TC2N: variants seen among roughly 807,000 people sequenced by gnomAD.
The protein encoded by TC2N is tandem C2 domains nuclear protein.
Under a neutral mutation model 61.9 loss-of-function variants are expected in TC2N, and 51 were observed. That is an observed-to-expected ratio of 0.82 (90% CI 0.66 to 1.04). TC2N has a LOEUF of 1.04. TC2N is among the 50% of genes least tolerant of loss of function. TC2N has a pLI of 0.00. For synonymous variants in TC2N, 204 were observed against 192.6 expected, an observed-to-expected ratio of 1.06 and a Z score of -0.49; for missense variants, 556 against 566.7, an observed-to-expected ratio of 0.98 and a Z score of 0.19.
At chr14:91,859,704 A>C (rs1448481899) in intron 1 of TC2N, among the ~76,000 whole-genome samples, 1 of 152,242 alleles carries the variant, frequency 6.6e-6, no homozygotes, top group African/African-American at 2.4e-5. Flanking sequence ...GGTGGGCTGC[A>C]CAGACCACAG....
At chr14:91,827,599 T>A (rs965928304) in intron 1 of TC2N, among the ~76,000 whole-genome samples, 1 of 152,200 alleles carries the variant, frequency 6.6e-6, no homozygotes, top group Non-Finnish European at 1.5e-5. Context: ...TACTCCATAA[T>A]CCAAGATAAT....
At chr14:91,830,948 T>C (rs905247103) in intron 1 of TC2N, among the ~76,000 whole-genome samples, 2 of 152,164 alleles carry the variant, frequency 1.3e-5, no homozygotes, top group African/African-American at 4.8e-5. Flanking sequence ...GTCCCAGAAT[T>C]AGCCTCTTAG....
intron 1 of TC2N, among the ~76,000 whole-genome samples, chr14:91,859,362 C>T (rs1348870100): frequency 6.6e-6 from 1 of 152,184 alleles, no homozygotes; most frequent in Non-Finnish European, 1.5e-5. Context: ...CAAAACTCCT[C>T]CTCCTGAGGT....
chr14:91,791,265 C>A (rs1885643788), intron 9 of TC2N, among the ~76,000 whole-genome samples: 1 of 150,860 alleles, frequency 6.6e-6, no homozygotes, highest in African/African-American at 2.4e-5. Flanking sequence ...CCCATATCCC[C>A]CAAAATTCTA....
chr14:91,806,111 GC>G (rs58265477), intron 3 of TC2N, among the ~76,000 whole-genome samples: 10,155 of 152,036 alleles, frequency 0.067, 1,015 homozygotes, highest in African/African-American at 0.22. Context: ...ATTCTCTCTT[GC>G]CTGCTACCAT....
intron 1 of TC2N, chr14:91,836,614 G>A (rs1888027121): frequency 6.6e-6 from 1 of 152,568 alleles, no homozygotes; most frequent in Non-Finnish European, 1.5e-5. Flanking sequence ...GCAAGGCGGG[G>A]AGGGGCGAGG....
chr14:91,835,145 T>G (rs555833983), intron 1 of TC2N, among the ~76,000 whole-genome samples: 2 of 152,346 alleles, frequency 1.3e-5, no homozygotes, highest in South Asian at 4.1e-4. Flanking sequence ...TACTTAAATT[T>G]TTCATGAAGG....
intron 1 of TC2N, among the ~76,000 whole-genome samples, chr14:91,819,156 A>G (rs1887134953): frequency 6.6e-6 from 1 of 152,096 alleles, no homozygotes; most frequent in Non-Finnish European, 1.5e-5. Flanking sequence ...ATGTACATCA[A>G]AGCAAAGATT....
Position 91,812,433 on chromosome 14 carries a change from A to G in TC2N, c.180T>C (p.Asp60=). The change falls in exon 3 of 12, where the codon GAT becomes GAC. Residue 60 remains aspartate (D), a synonymous_variant. Transcript: ENST00000435962. Reference sequence around the variant, plus strand: ...CAGATGGTAATTTGGAAAGCAAATAATCCTCAGTACAGCCAAGCTGAGGCT... The same window carrying G: ...CAGATGGTAATTTGGAAAGCAAATAGTCCTCAGTACAGCCAAGCTGAGGCT... ...SVKPQLGCTE[D]YLLSKLPSDG... 1.2e-6 allele frequency: 2 copies of G among 1,612,462 alleles called. No individual in the cohort carries two copies. The highest frequency in any genetic ancestry group is 2.7e-5 in the African/African-American group (2 of 74,988).
chr14:91,792,307 G>A, intron 9 of TC2N, 60 bp downstream of exon 9: 1 of 1,125,228 alleles, frequency 8.9e-7, no homozygotes, highest in Non-Finnish European at 1.2e-6. Context: ...ACAAACAAAA[G>A]CCCATCCACC....
chr14:91,822,414 T>C (rs1269839179), intron 1 of TC2N, among the ~76,000 whole-genome samples: 1 of 152,212 alleles, frequency 6.6e-6, no homozygotes, highest in Non-Finnish European at 1.5e-5. Flanking sequence ...GCCATACAGA[T>C]ATGTGCCATA....
At chr14:91,865,664 C>T (rs991421054) in intron 1 of TC2N, among the ~76,000 whole-genome samples, 1 of 151,924 alleles carries the variant, frequency 6.6e-6, no homozygotes, top group Non-Finnish European at 1.5e-5. Context: ...TGTTTCCTTT[C>T]AAAATACTTA....
chr14:91,820,090 T>C (rs1308229780), intron 1 of TC2N, among the ~76,000 whole-genome samples: 1 of 152,062 alleles, frequency 6.6e-6, no homozygotes, highest in Non-Finnish European at 1.5e-5. Flanking sequence ...AATATGCCAA[T>C]TAAAAGGCAG....
rs556810348 is a variant in TC2N, at chr14:91,821,396, C to A, written c.-56-7571G>T. ...GAAATAGTGTTTTCAACAAATGGTGCTAGGACACTGAATATCAATATTTAT... is the reference window on the plus strand; with the variant it reads ...GAAATAGTGTTTTCAACAAATGGTGATAGGACACTGAATATCAATATTTAT... On this transcript the variant is annotated intron_variant, in intron 1 of 11. Coordinates refer to ENST00000435962, the MANE Select transcript of TC2N (RefSeq NM_001128596.3). 5.1e-4 allele frequency among the ~76,000 whole-genome samples: 78 copies of A among 152,038 alleles called. 3 individuals carry two copies. The South Asian group carries it at 0.016, about 31-fold the overall frequency.
At chr14:91,833,015 TAAAC>T (rs1280884286) in intron 1 of TC2N, among the ~76,000 whole-genome samples, 1 of 152,174 alleles carries the variant, frequency 6.6e-6, no homozygotes, top group Non-Finnish European at 1.5e-5. Context: ...CAAAGTAGAC[TAAAC>T]AACACAGTGT....
intron 1 of TC2N, among the ~76,000 whole-genome samples, chr14:91,843,780 C>A (rs1566787842): frequency 6.6e-6 from 1 of 152,156 alleles, no homozygotes; most frequent in Admixed American, 6.5e-5. Context: ...TCAAGGACAT[C>A]TTTTTTAAGC....
intron 1 of TC2N, among the ~76,000 whole-genome samples, chr14:91,842,962 TG>T (rs1374659959): frequency 6.6e-6 from 1 of 152,160 alleles, no homozygotes; most frequent in Non-Finnish European, 1.5e-5. Context: ...CCCTACCCGT[TG>T]ATTTTGGGTT....
intron 1 of TC2N, among the ~76,000 whole-genome samples, chr14:91,823,238 G>C (rs920793932): frequency 2.0e-5 from 3 of 151,592 alleles, no homozygotes; most frequent in African/African-American, 7.3e-5. Context: ...ATTTTATCAG[G>C]GGCCAGGCAT....
intron 4 of TC2N, among the ~76,000 whole-genome samples, chr14:91,801,023 T>C (rs182762485): frequency 1.1e-4 from 17 of 150,600 alleles, no homozygotes; most frequent in South Asian, 2.1e-4. Flanking sequence ...TACATATATA[T>C]ACACACACAT....
Sources: gnomAD v4.1 joint callset for allele counts (sites outside exome capture counted in the v4.1 genomes callset) on GRCh38, gnomAD v4.1.1 for gene constraint, MANE v1.5 for transcripts, NCBI Gene and HGNC (gene_info 2026-07-23, HGNC 2026-07-21) for gene names.